The following TNFRSF10B variants were observed in gnomAD, a reference collection of about 807,000 sequenced individuals.
TNFRSF10B encodes the protein TNF receptor superfamily member 10b.
In TNFRSF10B, 35 loss-of-function variants were observed where a neutral mutation model predicts 41.4. The ratio of observed to expected loss-of-function variants is 0.85; its 90% CI spans 0.65 to 1.12. TNFRSF10B has a LOEUF of 1.12. TNFRSF10B is among the 50% of genes most tolerant of loss of function. The pLI is 0.00. For missense variants in TNFRSF10B, 584 were observed against 552.7 expected (o/e 1.06, Z -0.57); for synonymous variants, 230 against 215.5 (o/e 1.07, Z -0.59).
At position 23,054,800 on chromosome 8, in the gene TNFRSF10B, G is replaced by A. The variant is rs556900507; in HGVS notation, c.145-11557C>T. On this transcript the variant is annotated intron_variant, in intron 1 of 8. Transcript: ENST00000276431. Reference sequence around the variant, plus strand: ...ATGGTATAAATCCATGGTTGGGCTCGGCTTTAAAAAGGTCTTATCTCAGAT... The same window carrying A: ...ATGGTATAAATCCATGGTTGGGCTCAGCTTTAAAAAGGTCTTATCTCAGAT... 3.9e-4 allele frequency among the ~76,000 whole-genome samples: 60 copies of A among 152,218 alleles called. No homozygotes were observed. The South Asian group carries it at 0.011, about 28-fold the overall frequency.
rs558587861 is a variant in TNFRSF10B at position 23,068,988 on chromosome 8, A to G, written c.-94T>C. On this transcript the variant is annotated 5_prime_UTR_variant, in exon 1 of 9. Coordinates refer to ENST00000276431, the MANE Select transcript of TNFRSF10B (RefSeq NM_003842.5). ...GTCGGTGTATTTTGTGGGCGCAGAG[A>G]TTGCGGGGTTCTCCGGCCGCGTGCT... The G allele has an allele frequency of 3.8e-6, 6 of 1,596,600 alleles. No individual in the cohort carries two copies. Among genetic ancestry groups the G allele is most frequent in the South Asian group, 1.1e-5 (1 of 90,008 alleles).
chr8:23,038,771 G>T lies in TNFRSF10B; in HGVS notation c.250+4367C>A, dbSNP rs572939532. 2.0e-5 allele frequency among the ~76,000 whole-genome samples: 3 copies of T among 152,142 alleles called. No individual in the cohort carries two copies. In the East Asian group the frequency reaches 5.8e-4, roughly 29 times the overall value. On this transcript the variant is annotated intron_variant, in intron 2 of 8. Transcript: ENST00000276431. ...CTTGGAGATCAAGTATGGTTTAAAAGAATTTCAAATCTTTAAAAATTCTGT... is the reference window on the plus strand; with the variant it reads ...CTTGGAGATCAAGTATGGTTTAAAATAATTTCAAATCTTTAAAAATTCTGT...
At chr8:23,058,314 T>C (rs1248001212) in intron 1 of TNFRSF10B, among the ~76,000 whole-genome samples, 1 of 152,218 alleles carries the variant, frequency 6.6e-6, no homozygotes, top group Non-Finnish European at 1.5e-5. Flanking sequence ...TCTAACCATA[T>C]CTACCTTTGA....
At chr8:23,028,722 TC>T in intron 4 of TNFRSF10B, 120 bp from the exon 5 acceptor site, 1 of 1,265,780 alleles carries the variant, frequency 7.9e-7, no homozygotes, top group Non-Finnish European at 1.1e-6. Context: ...AAGGACAGTC[TC>T]CTCGTGTCAG....
At chr8:23,032,106 C>T (rs1811901647) in intron 2 of TNFRSF10B, among the ~76,000 whole-genome samples, 1 of 152,040 alleles carries the variant, frequency 6.6e-6, no homozygotes, top group Non-Finnish European at 1.5e-5. Flanking sequence ...GGGGTTTCAC[C>T]ATCTTGGCCA....
rs557473323 is a variant in TNFRSF10B at position 23,022,590 on chromosome 8, C to G, written c.*81G>C. The G allele has an allele frequency of 1.3e-6, 2 of 1,491,814 alleles. No homozygotes were observed. The highest frequency in any genetic ancestry group is 2.3e-5 in the South Asian group (2 of 86,526). 92.4% of individuals were successfully genotyped at this position (1,491,814 alleles called of 1,614,324 possible). On this transcript the variant is annotated 3_prime_UTR_variant, in exon 9 of 9. Coordinates refer to ENST00000276431, the MANE Select transcript of TNFRSF10B (RefSeq NM_003842.5). ...GGTCATGTGACAATTGTGGCACTTT[C>G]CTACTGACTGGAGTCCAGTTGGGCT...
chr8:23,063,678 A>G (rs1812899194), intron 1 of TNFRSF10B, among the ~76,000 whole-genome samples: 1 of 152,054 alleles, frequency 6.6e-6, no homozygotes, highest in Non-Finnish European at 1.5e-5. Flanking sequence ...CGATAATGCA[A>G]CCTGACCCTC....
chr8:23,059,036 C>T (rs1380596020), intron 1 of TNFRSF10B, among the ~76,000 whole-genome samples: 1 of 152,132 alleles, frequency 6.6e-6, no homozygotes, highest in Non-Finnish European at 1.5e-5. Context: ...CCGCTGGCAT[C>T]CAACATTCTA....
At chr8:23,064,092 G>C (rs1465644602) in intron 1 of TNFRSF10B, among the ~76,000 whole-genome samples, 1 of 152,244 alleles carries the variant, frequency 6.6e-6, no homozygotes, top group African/African-American at 2.4e-5. Flanking sequence ...CCTTTCCTTA[G>C]CACAGTTTCC....
At chr8:23,030,894 G>A (rs10866818) in intron 2 of TNFRSF10B, 22 bp from the exon 3 acceptor site, 1,386,500 of 1,561,402 alleles carry the variant, frequency 0.89, 617,074 homozygotes, top group East Asian at 0.98. Flanking sequence ...GAGAAAAGCC[G>A]GTGAATGAAA....
intron 3 of TNFRSF10B, 93 bp downstream of exon 3, chr8:23,030,666 C>A: frequency 1.1e-6 from 1 of 930,178 alleles, no homozygotes; most frequent in Non-Finnish European, 1.7e-6. Context: ...CAAGGTGGAC[C>A]AGAATCTAGG....
intron 1 of TNFRSF10B, among the ~76,000 whole-genome samples, chr8:23,057,315 G>C (rs1320344900): frequency 6.6e-6 from 1 of 151,634 alleles, no homozygotes; most frequent in Non-Finnish European, 1.5e-5. Context: ...AAAGTGCTGG[G>C]ATTACAGGCG....
chr8:23,033,823 G>A (rs924353153), intron 2 of TNFRSF10B, among the ~76,000 whole-genome samples: 5 of 152,070 alleles, frequency 3.3e-5, no homozygotes, highest in East Asian at 1.9e-4. Context: ...GAGAGAGAGC[G>A]AGCAAGCGAG....
Position 23,022,638 on chromosome 8 carries a change from A to G in TNFRSF10B, c.*33T>C. ...GCTTTTTCCAGAAAAAAGGTAAACCAGGGAAGGTCTGACTTCCTGAAGAGA... is the reference window on the plus strand; with the variant it reads ...GCTTTTTCCAGAAAAAAGGTAAACCGGGGAAGGTCTGACTTCCTGAAGAGA... On this transcript the variant is annotated 3_prime_UTR_variant, in exon 9 of 9. Coordinates refer to ENST00000276431, the MANE Select transcript of TNFRSF10B (RefSeq NM_003842.5). 6.2e-7 allele frequency: 1 copy of G among 1,613,352 alleles called. No individual in the cohort carries two copies. The highest frequency in any genetic ancestry group is 8.5e-7 in the Non-Finnish European group (1 of 1,179,536).
At chr8:23,052,542 T>G (rs894320794) in intron 1 of TNFRSF10B, among the ~76,000 whole-genome samples, 1 of 152,128 alleles carries the variant, frequency 6.6e-6, no homozygotes, top group East Asian at 1.9e-4. Context: ...CGCCTCAGCC[T>G]CCCAAAGTGC....
intron 1 of TNFRSF10B, among the ~76,000 whole-genome samples, chr8:23,059,295 G>C (rs934597720): frequency 2.0e-5 from 3 of 152,124 alleles, no homozygotes; most frequent in Admixed American, 6.5e-5. Context: ...TGCTATAAAC[G>C]TGGGTGTACA....
At chr8:23,034,679 T>C (rs1469997062) in intron 2 of TNFRSF10B, among the ~76,000 whole-genome samples, 2 of 152,204 alleles carry the variant, frequency 1.3e-5, no homozygotes, top group Admixed American at 1.3e-4. Context: ...TGTGCTATGA[T>C]TGTGCCACTG....
At chr8:23,048,437 CAAAA>C (rs34985507) in intron 1 of TNFRSF10B, among the ~76,000 whole-genome samples, 5 of 93,692 alleles carry the variant, frequency 5.3e-5, no homozygotes, top group Non-Finnish European at 9.3e-5. Flanking sequence ...ATTTTTGTGT[CAAAA>C]AAAAAAAAAA....
At chr8:23,036,831 G>A (rs544149559) in intron 2 of TNFRSF10B, among the ~76,000 whole-genome samples, 49 of 152,232 alleles carry the variant, frequency 3.2e-4, no homozygotes, top group Middle Eastern at 3.4e-3. Flanking sequence ...CAACAATAGC[G>A]AAACTCCGTC....
Sources: allele counts gnomAD v4.1 joint callset (sites outside exome capture counted in the v4.1 genomes callset), GRCh38; gene constraint gnomAD v4.1.1; transcripts MANE v1.5; gene names NCBI Gene and HGNC (gene_info 2026-07-23, HGNC 2026-07-21).